The following ABCA13 variants were observed in gnomAD, a reference collection of about 807,000 sequenced individuals.
ABCA13 encodes ATP-binding cassette sub-family A member 13.
ABCA13 carries 476 observed loss-of-function variants against 478.7 expected under a neutral mutation model. The ratio of observed to expected loss-of-function variants is 0.99; its 90% CI spans 0.92 to 1.07. The LOEUF is 1.07. Ranked by LOEUF, ABCA13 falls within the 50% of genes least tolerant of loss-of-function variation. The pLI, the probability that ABCA13 is intolerant of heterozygous loss-of-function variation, is 0.00. For synonymous variants in ABCA13, 2,252 were observed against 2,158.9 expected (o/e 1.04, Z -1.20); for missense variants, 6,060 against 5,910.6 (o/e 1.03, Z -0.83).
At chr7:48,422,224 A>G (rs1259327277) in intron 41 of ABCA13, among the ~76,000 whole-genome samples, 5 of 134,906 alleles carry the variant, frequency 3.7e-5, no homozygotes, top group African/African-American at 9.0e-5. Context: ...TTTCCTAAAG[A>G]ACAATACATT....
chr7:48,246,793 C>T (rs1267132151), intron 13 of ABCA13, among the ~76,000 whole-genome samples: 4 of 152,136 alleles, frequency 2.6e-5, no homozygotes, highest in African/African-American at 9.7e-5. Flanking sequence ...ATGAAGAAGA[C>T]ACTATCTTGG....
chr7:48,287,260 A>G, intron 19 of ABCA13, among the ~76,000 whole-genome samples: 1 of 152,248 alleles, frequency 6.6e-6, no homozygotes, highest in Non-Finnish European at 1.5e-5. Flanking sequence ...CATTGGATGC[A>G]ACATGGAGCC....
At chr7:48,535,084 T>C (rs1833479500) in intron 55 of ABCA13, among the ~76,000 whole-genome samples, 2 of 152,314 alleles carry the variant, frequency 1.3e-5, no homozygotes, top group Admixed American at 1.3e-4. Flanking sequence ...TAAAGAATTA[T>C]GTTTTGTCAT....
intron 1 of ABCA13, among the ~76,000 whole-genome samples, chr7:48,176,995 G>A (rs1469543792): frequency 6.6e-6 from 1 of 151,796 alleles, no homozygotes; most frequent in Non-Finnish European, 1.5e-5. Flanking sequence ...TGTTTATTTT[G>A]TCTATTACTG....
chr7:48,404,997 C>T (rs764233756), intron 39 of ABCA13, among the ~76,000 whole-genome samples: 4 of 152,228 alleles, frequency 2.6e-5, no homozygotes, highest in Non-Finnish European at 4.4e-5. Flanking sequence ...GCCACATCTG[C>T]GGTGCTGGCT....
chr7:48,238,154 C>T (rs11185610), intron 8 of ABCA13, among the ~76,000 whole-genome samples: 37,616 of 152,066 alleles, frequency 0.25, 5,570 homozygotes, highest in East Asian at 0.38. Context: ...TGTGTCCTCA[C>T]GTGGTAGAAG....
chr7:48,454,890 A>T, intron 42 of ABCA13, 147 bp from the exon 43 acceptor site: 2 of 1,128,718 alleles, frequency 1.8e-6, no homozygotes, highest in Non-Finnish European at 1.2e-6. Context: ...CATAAAGGGG[A>T]CACTCAAGGG....
intron 55 of ABCA13, among the ~76,000 whole-genome samples, chr7:48,529,718 G>A (rs1833098356): frequency 6.6e-6 from 1 of 152,024 alleles, no homozygotes; most frequent in Admixed American, 6.6e-5. Flanking sequence ...TTGACTTTAT[G>A]TTGCATTTAT....
chr7:48,646,034 C>T lies in ABCA13; in HGVS notation c.*522C>T, dbSNP rs1040753135. 3 of 153,264 alleles carry T rather than the reference C, an allele frequency of 2.0e-5. No homozygotes were observed. The highest frequency in any genetic ancestry group is 7.3e-5 in the African/African-American group (3 of 41,354). The allele number at this position is 153,264 out of a possible 1,614,324, so 9.5% of individuals were successfully genotyped here. A position where few individuals can be genotyped will look rare whatever the true frequency, so the allele number is the denominator to read the frequency against. On this transcript the variant is annotated 3_prime_UTR_variant, in exon 62 of 62. Coordinates refer to ENST00000435803, the MANE Select transcript of ABCA13 (RefSeq NM_152701.5). ...ATTTTAATGTAAGCTTTTATTAATA[C>T]TGATGACATTATATGGTATGATATG... is the stretch of plus-strand genomic sequence containing the variant.
intron 58 of ABCA13, among the ~76,000 whole-genome samples, chr7:48,598,864 A>G (rs1447498975): frequency 6.6e-6 from 1 of 152,022 alleles, no homozygotes; most frequent in Non-Finnish European, 1.5e-5. Context: ...AGTTTTGTGT[A>G]TAGTATGAGA....
At chr7:48,177,131 C>G (rs1794991332) in intron 1 of ABCA13, among the ~76,000 whole-genome samples, 1 of 152,154 alleles carries the variant, frequency 6.6e-6, no homozygotes, top group East Asian at 1.9e-4. Context: ...TATCAAGCCT[C>G]AGAAGTAAAG....
At chr7:48,393,568 A>G (rs1463481574) in intron 38 of ABCA13, among the ~76,000 whole-genome samples, 3 of 152,210 alleles carry the variant, frequency 2.0e-5, no homozygotes, top group African/African-American at 7.2e-5. Context: ...AGTATTTACA[A>G]TCTGCATTTA....
chr7:48,248,146 C>A (rs992097718), intron 13 of ABCA13, 93 bp from the exon 14 acceptor site: 2 of 1,044,846 alleles, frequency 1.9e-6, no homozygotes, highest in African/African-American at 1.6e-5. Context: ...GAGTGGACCC[C>A]TTGTTTAGTG....
intron 55 of ABCA13, among the ~76,000 whole-genome samples, chr7:48,534,143 T>C (rs1036780544): frequency 6.6e-6 from 1 of 152,212 alleles, no homozygotes; most frequent in African/African-American, 2.4e-5. Context: ...GAGCTTGTTT[T>C]AGCAGTTCTT....
chr7:48,310,195 G>A, intron 24 of ABCA13, 54 bp downstream of exon 24: 3 of 1,547,108 alleles, frequency 1.9e-6, no homozygotes, highest in East Asian at 4.5e-5. Context: ...TGCTGTGGTG[G>A]CTGCAGATAA....
At chr7:48,520,371 G>T in intron 53 of ABCA13, 77 bp downstream of exon 53, 3 of 1,453,232 alleles carry the variant, frequency 2.1e-6, no homozygotes, top group Non-Finnish European at 2.7e-6. Flanking sequence ...CATCCTGGAG[G>T]TTGTAAAATA....
intron 1 of ABCA13, among the ~76,000 whole-genome samples, chr7:48,181,631 A>G (rs938396589): frequency 6.6e-6 from 1 of 151,976 alleles, no homozygotes; most frequent in Non-Finnish European, 1.5e-5. Flanking sequence ...CCTTGTACTT[A>G]AAGGTCATTT....
intron 15 of ABCA13, among the ~76,000 whole-genome samples, chr7:48,250,097 CA>C (rs1320254342): frequency 6.6e-6 from 1 of 152,062 alleles, no homozygotes; most frequent in African/African-American, 2.4e-5. Flanking sequence ...TGCAGAAAAA[CA>C]GCTTACTTCC....
intron 48 of ABCA13, among the ~76,000 whole-genome samples, chr7:48,496,055 C>T (rs890777330): frequency 6.6e-6 from 1 of 152,044 alleles, no homozygotes; most frequent in African/African-American, 2.4e-5. Flanking sequence ...GCTGCACTGC[C>T]TATCTCTGCC....
Sources: gnomAD v4.1 joint callset for allele counts (sites outside exome capture counted in the v4.1 genomes callset) on GRCh38, gnomAD v4.1.1 for gene constraint, MANE v1.5 for transcripts, NCBI Gene and HGNC (gene_info 2026-07-23, HGNC 2026-07-21) for gene names.